Variants in ZNF280C observed in about 807,000 individuals in gnomAD.
The protein encoded by ZNF280C is suppressor of hairy wing homolog 3.
Under a neutral mutation model 53.6 loss-of-function variants are expected in ZNF280C, and 14 were observed. The observed-to-expected ratio is 0.26, with a 90% CI of 0.17 to 0.41. The LOEUF (loss-of-function observed/expected upper bound fraction) is 0.41. Among genes scored for constraint, ZNF280C ranks in the 10% least tolerant of loss-of-function variants. ZNF280C has a pLI of 1.00. For synonymous variants in ZNF280C, 203 were observed against 181.1 expected (o/e 1.12, Z -0.97); for missense variants, 416 against 547.1 (o/e 0.76, Z 2.39).
chrX:130,266,830 T>C (rs1412285463), intron 1 of ZNF280C, among the ~76,000 whole-genome samples: 1 of 111,755 alleles, frequency 8.9e-6, no homozygotes, highest in African/African-American at 3.3e-5. Context: ...AGGCTGGGCA[T>C]GGAGGCTCAC....
chrX:130,251,733 G>A, intron 2 of ZNF280C, among the ~76,000 whole-genome samples: 1 of 107,661 alleles, frequency 9.3e-6, no homozygotes, highest in Non-Finnish European at 1.9e-5. Context: ...GAAGTGCAGT[G>A]AACTGAGATC....
chrX:130,255,521 A>T (rs911133361), intron 2 of ZNF280C, among the ~76,000 whole-genome samples: 2 of 111,420 alleles, frequency 1.8e-5, no homozygotes, highest in Admixed American at 1.9e-4. Flanking sequence ...GGAGAGGAGA[A>T]GTAATCAAAG....
At chrX:130,224,169 A>T (rs925934388) in intron 12 of ZNF280C, among the ~76,000 whole-genome samples, 1 of 111,715 alleles carries the variant, frequency 9.0e-6, no homozygotes, top group Non-Finnish European at 1.9e-5. Context: ...ATGATGGTGG[A>T]GCTGTCATAA....
intron 16 of ZNF280C, among the ~76,000 whole-genome samples, chrX:130,209,067 A>G (rs1461764006): frequency 5.3e-5 from 6 of 112,199 alleles, no homozygotes; most frequent in Non-Finnish European, 1.1e-4. Context: ...TATCCACATA[A>G]TTCATTTTCA....
intron 13 of ZNF280C, 24 bp downstream of exon 13, chrX:130,220,325 C>T (rs775632029): frequency 2.1e-5 from 23 of 1,091,792 alleles, no homozygotes; most frequent in Non-Finnish European, 2.5e-5. Flanking sequence ...CAAAAAACCA[C>T]CAAAAACTCC....
chrX:130,259,285 A>C (rs988448613), intron 2 of ZNF280C, among the ~76,000 whole-genome samples: 1 of 112,264 alleles, frequency 8.9e-6, no homozygotes, highest in Non-Finnish European at 1.9e-5. Context: ...TACTTAACAC[A>C]TGATTATCTA....
intron 8 of ZNF280C, among the ~76,000 whole-genome samples, chrX:130,230,995 T>C (rs2032271014): frequency 8.9e-6 from 1 of 111,919 alleles, no homozygotes; most frequent in African/African-American, 3.2e-5. Context: ...CTAATATTTT[T>C]TCCTTGCAAT....
At chrX:130,249,463 G>C (rs926164984) in intron 2 of ZNF280C, among the ~76,000 whole-genome samples, 1 of 112,126 alleles carries the variant, frequency 8.9e-6, no homozygotes, top group Non-Finnish European at 1.9e-5. Flanking sequence ...CCCTAGCACA[G>C]TGAGTTCCTA....
At chrX:130,258,705 A>C (rs2032599740) in intron 2 of ZNF280C, among the ~76,000 whole-genome samples, 1 of 112,447 alleles carries the variant, frequency 8.9e-6, no homozygotes. Context: ...ACTTGAAAAT[A>C]CCGCACTCAT....
intron 13 of ZNF280C, among the ~76,000 whole-genome samples, chrX:130,219,151 A>C (rs2032134751): frequency 8.9e-6 from 1 of 111,941 alleles, no homozygotes; most frequent in South Asian, 3.7e-4. Flanking sequence ...TGGATTATCT[A>C]TCTCTTTACT....
At position 130,215,856 on chromosome X, in the gene ZNF280C, G is replaced by A. The variant is rs771132319; in HGVS notation, c.1773C>T (p.Pro591=). 3.3e-6 allele frequency: 4 copies of A among 1,210,947 alleles called. No homozygotes were observed. The highest frequency in any genetic ancestry group is 3.4e-6 in the Non-Finnish European group (3 of 895,141). ...TGCGCTGTCGCTTTTGCTTGTAAGA[G>A]GGTTTTGCTTTGGACTTAGCTATAC... ...RGRIAKSKAK[P]SYKQKRQRNR... is the part of the protein sequence containing the mutation. The change falls in exon 14 of 19, where the codon CCC becomes CCT. Residue 591 remains proline (P), a synonymous_variant. Transcript: ENST00000370978.
Position 130,215,835 on chromosome X carries a change from C to T in ZNF280C, c.1794G>A (p.Gln598=), listed in dbSNP as rs376697149. 10 of 1,207,599 alleles carry T rather than the reference C, an allele frequency of 8.3e-6. No individual in the cohort carries two copies. Among genetic ancestry groups the T allele is most frequent in the Admixed American group, 4.4e-5 (2 of 45,332 alleles). ...KAKPSYKQKR[Q]RNRKNKMSLA... ...GGCTCATTTTATTTTTTCTGTTGCGCTGTCGCTTTTGCTTGTAAGAGGGTT... is the reference window on the plus strand; with the variant it reads ...GGCTCATTTTATTTTTTCTGTTGCGTTGTCGCTTTTGCTTGTAAGAGGGTT... The change falls in exon 14 of 19, where the codon CAG becomes CAA. Residue 598 remains glutamine, a synonymous_variant. Coordinates refer to ENST00000370978, the MANE Select transcript of ZNF280C (RefSeq NM_017666.5).
intron 5 of ZNF280C, among the ~76,000 whole-genome samples, chrX:130,241,150 A>G (rs1305080288): frequency 8.9e-6 from 1 of 111,942 alleles, no homozygotes; most frequent in Non-Finnish European, 1.9e-5. Flanking sequence ...AGAGATAATA[A>G]TAATACTCAC....
intron 8 of ZNF280C, 114 bp from the exon 9 acceptor site, chrX:130,230,841 T>C: frequency 2.1e-6 from 1 of 467,139 alleles, no homozygotes; most frequent in Non-Finnish European, 3.4e-6. Flanking sequence ...CTTGGCAATG[T>C]ATCTAGAAAG....
intron 2 of ZNF280C, among the ~76,000 whole-genome samples, chrX:130,258,214 A>G (rs933455550): frequency 1.8e-5 from 2 of 112,487 alleles, no homozygotes; most frequent in African/African-American, 6.4e-5. Context: ...AAGAATAAAT[A>G]AAAACAAAAT....
At chrX:130,205,034 T>G (rs2031957020) in intron 18 of ZNF280C, 42 bp from the exon 19 acceptor site, 20 of 1,021,575 alleles carry the variant, frequency 2.0e-5, no homozygotes, top group Non-Finnish European at 2.5e-5. Flanking sequence ...TTTTCATTTA[T>G]ATTAATATTA....
chrX:130,244,920 T>C (rs2032435238), intron 3 of ZNF280C, among the ~76,000 whole-genome samples: 1 of 111,287 alleles, frequency 9.0e-6, no homozygotes, highest in African/African-American at 3.3e-5. Flanking sequence ...GGAAGTCTTC[T>C]AAAAGAAAAA....
intron 14 of ZNF280C, 122 bp from the exon 15 acceptor site, chrX:130,215,455 A>AT (rs2032090701): frequency 1.1e-5 from 8 of 706,672 alleles, no homozygotes; most frequent in Non-Finnish European, 1.6e-5. Flanking sequence ...AAGTAGACTC[A>AT]TAATTTCAAA....
rs191652068 is a variant in ZNF280C at position 130,210,365 on chromosome X, A to G, written c.1980-650T>C. On this transcript the variant is annotated intron_variant, in intron 15 of 18. Coordinates refer to ENST00000370978, the MANE Select transcript of ZNF280C (RefSeq NM_017666.5). ...TGAGTTAAAAATGCAGTGTCAAATT[A>G]AAGTTTTTTAACTATTAAGAGAACA... Among the ~76,000 whole-genome samples, 31 of 112,578 alleles carry G rather than the reference A, an allele frequency of 2.8e-4. No homozygotes were observed. In the East Asian group the frequency reaches 8.3e-3, roughly 30 times the overall value.
Sources: allele counts gnomAD v4.1 joint callset (sites outside exome capture counted in the v4.1 genomes callset), GRCh38; gene constraint gnomAD v4.1.1; transcripts MANE v1.5; gene names NCBI Gene and HGNC (gene_info 2026-07-23, HGNC 2026-07-21).